RPUSD3: variants seen among roughly 807,000 people sequenced by gnomAD.
RPUSD3 encodes mitochondrial mRNA pseudouridine synthase RPUSD3.
In RPUSD3, 36 loss-of-function variants were observed where a neutral mutation model predicts 35.1. The ratio of observed to expected loss-of-function variants is 1.02; its 90% confidence interval spans 0.79 to 1.35. The LOEUF (loss-of-function observed/expected upper bound fraction) is 1.35. Among genes scored for constraint, RPUSD3 ranks in the 40% most tolerant of loss-of-function variants. RPUSD3 has a pLI of 0.00. For missense variants in RPUSD3, 486 were observed against 441.9 expected (o/e 1.10, Z -0.89); for synonymous variants, 202 against 187.8 (o/e 1.08, Z -0.62).
At chr3:9,840,262 C>T (rs1217479227) in exon 7 of RPUSD3, 1 of 1,614,204 alleles carries the variant, frequency 6.2e-7, no homozygotes, top group Non-Finnish European at 8.5e-7. Flanking sequence ...GTCTTCTTGA[C>T]ACCTTCCAGG....
chr3:9,843,586 G>A (rs1452339095), exon 2 of RPUSD3: 2 of 1,613,738 alleles, frequency 1.2e-6, no homozygotes, highest in South Asian at 1.1e-5. Flanking sequence ...AGGAGCCGCG[G>A]GGTTGCCTCT....
Position 9,843,965 on chromosome 3 carries a change from C to A in RPUSD3, c.50G>T (p.Arg17Leu), listed in dbSNP as rs764231452. 4.7e-5 allele frequency: 76 copies of A among 1,608,288 alleles called. No individual in the cohort carries two copies. The East Asian group carries it at 1.1e-3, about 23-fold the overall frequency. ...GCCCCGCCGCCAGCCACTCCAGAAC[C>A]GGCCCAAAACACGGCGGCCGTCCAT... Residue 17 changes from arginine to leucine, a missense_variant, in exon 1 of 9, where the codon CGG (arginine) becomes CTG (leucine). Physicochemically the swap from Arg to Leu is moderately radical, Grantham distance 102. Transcript: ENST00000383820.
exon 9 of RPUSD3, chr3:9,838,032 C>G (rs1320314408): frequency 1.1e-5 from 17 of 1,578,232 alleles, no homozygotes; most frequent in Non-Finnish European, 1.5e-5. Context: ...TAAGCGGAGC[C>G]CCAGGCACTG....
Position 9,840,516 on chromosome 3 carries a change from C to G in RPUSD3, c.600+16G>C. Reference sequence around the variant, plus strand: ...ATATCTAGAAGCACCCCTCCTCTTCCCAGACCCGGACTCACGAGATTGACC... The same window carrying G: ...ATATCTAGAAGCACCCCTCCTCTTCGCAGACCCGGACTCACGAGATTGACC... On this transcript the variant is annotated intron_variant, in intron 6 of 8. Coordinates refer to ENST00000383820, the Ensembl canonical transcript of RPUSD3. 1 of 1,613,714 alleles carries G rather than the reference C, an allele frequency of 6.2e-7. No individual in the cohort carries two copies. The highest frequency in any genetic ancestry group is 8.5e-7 in the Non-Finnish European group (1 of 1,179,654).
chr3:9,843,201 C>CTAG, intron 2 of RPUSD3: 1 of 519,498 alleles, frequency 1.9e-6, no homozygotes. Flanking sequence ...AAACAATAAT[C>CTAG]TAGTATAGCA....
chr3:9,841,820 T>C (rs1212935918), intron 4 of RPUSD3, 163 bp downstream of exon 4: 2 of 633,050 alleles, frequency 3.2e-6, no homozygotes, highest in Non-Finnish European at 5.5e-6. Context: ...ACTTGAGGAT[T>C]TGAACCCAGA....
chr3:9,839,076 G>C, exon 8 of RPUSD3: 2 of 1,614,240 alleles, frequency 1.2e-6, no homozygotes, highest in Non-Finnish European at 1.7e-6. Flanking sequence ...AGAAATCGCT[G>C]GCCCAGGACA....
intron 7 of RPUSD3, chr3:9,839,766 CAG>C (rs1376913179): frequency 6.1e-6 from 1 of 162,894 alleles, no homozygotes; most frequent in Non-Finnish European, 1.3e-5. Flanking sequence ...TTAGTAGAGA[CAG>C]GGTTTCACCA....
chr3:9,840,095 T>C, intron 7 of RPUSD3, 89 bp downstream of exon 7: 5 of 1,507,994 alleles, frequency 3.3e-6, no homozygotes, highest in Non-Finnish European at 4.5e-6. Flanking sequence ...TTGGCCAGAC[T>C]GGTCTTGAAC....
chr3:9,840,239 A>G (rs752494472), exon 7 of RPUSD3: 3 of 1,614,026 alleles, frequency 1.9e-6, no homozygotes, highest in South Asian at 2.2e-5. Flanking sequence ...CTACCACACG[A>G]AAGTGACTGA....
Position 9,842,578 on chromosome 3 carries a change from G to C in RPUSD3, c.263-335C>G. On this transcript the variant is annotated intron_variant, in intron 2 of 8. Transcript: ENST00000383820. ...ATCATAACACCCTGTTTTAGTTTATGCATAGCACTTACCACTAGTAACTTG... is the reference window on the plus strand; with the variant it reads ...ATCATAACACCCTGTTTTAGTTTATCCATAGCACTTACCACTAGTAACTTG... 7.4e-6 allele frequency: 3 copies of C among 402,720 alleles called. 1 individual carries two copies. In the South Asian group the frequency reaches 8.3e-5, roughly 11 times the overall value. 24.9% of individuals were successfully genotyped at this position (402,720 alleles called of 1,614,324 possible).
intron 7 of RPUSD3, chr3:9,839,752 A>G: frequency 6.3e-6 from 1 of 159,316 alleles, no homozygotes; most frequent in Non-Finnish European, 1.4e-5. Flanking sequence ...TAATTTTTGT[A>G]TTTTTAGTAG....
chr3:9,838,854 AGAGT>A (rs1478462961), intron 8 of RPUSD3, 174 bp downstream of exon 8: 26 of 697,344 alleles, frequency 3.7e-5, no homozygotes, highest in African/African-American at 1.8e-5. Flanking sequence ...GAAGCCCAAG[AGAGT>A]GAGTGTTACT....
Position 9,840,617 on chromosome 3 carries a change from C to A in RPUSD3, c.516-1G>T. On this transcript the variant is annotated splice_acceptor_variant, in intron 5 of 8. Transcript: ENST00000383820. LOFTEE classifies it high-confidence loss of function. ...AGCTGGGATCCCATCAGTGACAGCA[C>A]TGAGAAAGGGGCAGGAGGAGGTCAC... The A allele has an allele frequency of 6.2e-7, 1 of 1,613,628 alleles. No homozygotes were observed. The highest frequency in any genetic ancestry group is 1.1e-5 in the South Asian group (1 of 90,974).
intron 6 of RPUSD3, 56 bp downstream of exon 6, chr3:9,840,475 TC>T: frequency 6.3e-7 from 1 of 1,589,368 alleles, no homozygotes; most frequent in Non-Finnish European, 8.6e-7. Flanking sequence ...CCCTGACTCC[TC>T]TCTGTAGGGG....
At chr3:9,838,000 A>C (rs2082045621) in exon 9 of RPUSD3, 2 of 1,546,558 alleles carry the variant, frequency 1.3e-6, no homozygotes, top group Non-Finnish European at 1.8e-6. Context: ...TGAGGGGGTC[A>C]GGAACAGAGG....
At position 9,840,221 on chromosome 3, in the gene RPUSD3, G is replaced by A. The variant is rs201399737; in HGVS notation, c.687C>T (p.Gly229=). 609 of 1,614,034 alleles carry A rather than the reference G, an allele frequency of 3.8e-4. 2 individuals carry two copies. The highest frequency in any genetic ancestry group is 4.8e-4 in the Non-Finnish European group (565 of 1,180,024). The change falls in exon 7 of 9, where the codon GGC becomes GGT. Residue 229 remains glycine (G), a synonymous_variant. Coordinates refer to ENST00000383820, the Ensembl canonical transcript of RPUSD3. ...GCAGCTGGACCAGGGCACAGCCAGA[G>A]CCTGTGGCTACCACACGAAAGTGAC...
Position 9,841,035 on chromosome 3 carries a change from G to C in RPUSD3, c.408-230C>G, listed in dbSNP as rs73116175. ...CCCAGGGAACTCAGAGCCAAATGTC[G>C]TAACGATTGTCTACCATGTGCCAGA... On this transcript the variant is annotated intron_variant, in intron 4 of 8. Transcript: ENST00000383820. 5.4e-3 allele frequency: 1,927 copies of C among 358,550 alleles called. 37 individuals carry two copies. The highest frequency in any genetic ancestry group is 0.037 in the African/African-American group (1,769 of 47,514). 22.2% of individuals were successfully genotyped at this position (358,550 alleles called of 1,614,324 possible).
At chr3:9,840,663 C>T (rs774421964) in intron 5 of RPUSD3, 35 bp downstream of exon 5, 4 of 1,611,582 alleles carry the variant, frequency 2.5e-6, no homozygotes, top group South Asian at 2.2e-5. Context: ...GCTGGGACCT[C>T]CCCACCACTC....
Sources: allele counts gnomAD v4.1 joint callset, GRCh38; gene constraint gnomAD v4.1.1; transcripts MANE v1.5; gene names NCBI Gene and HGNC (gene_info 2026-07-23, HGNC 2026-07-21).